The following PTOV1 variants were observed in gnomAD, a reference collection of about 807,000 sequenced individuals.
The protein encoded by PTOV1 is prostate tumor-overexpressed gene 1 protein.
Under a neutral mutation model 58.0 loss-of-function variants are expected in PTOV1, and 20 were observed. The ratio of observed to expected loss-of-function variants is 0.34; its 90% CI spans 0.24 to 0.50. PTOV1 has a LOEUF of 0.50. Ranked by LOEUF, PTOV1 falls within the 20% of genes least tolerant of loss-of-function variation. PTOV1 has a pLI of 0.98. For missense variants in PTOV1, 593 were observed against 565.4 expected (o/e 1.05, Z -0.50); for synonymous variants, 335 against 234.2 (o/e 1.43, Z -3.93).
chr19:49,859,759 A>G (rs957212597), intron 10 of PTOV1: 8 of 572,996 alleles, frequency 1.4e-5, no homozygotes, highest in Non-Finnish European at 2.2e-5. Flanking sequence ...TCTGAAATGC[A>G]GGTTCTTGGG....
intron 2 of PTOV1, 43 bp from the exon 3 acceptor site, chr19:49,854,609 G>T: frequency 6.2e-7 from 1 of 1,613,134 alleles, no homozygotes; most frequent in Non-Finnish European, 8.5e-7. Context: ...GACAGGCCAG[G>T]GCATCTAGGC....
At chr19:49,851,032 G>C, upstream of PTOV1, 21 of 1,526,898 alleles carry the variant, frequency 1.4e-5, no homozygotes, top group Non-Finnish European at 1.8e-5. Context: ...GCGCCGGAGA[G>C]GCCCGCAGGA....
At chr19:49,856,941 G>A (rs1172432183) in intron 5 of PTOV1, 34 bp from the exon 6 acceptor site, 1 of 1,609,758 alleles carries the variant, frequency 6.2e-7, no homozygotes. Flanking sequence ...GCCCCGGGCA[G>A]TGACCACAGG....
chr19:49,851,976 C>G (rs942637243), intron 1 of PTOV1: 2 of 985,304 alleles, frequency 2.0e-6, no homozygotes, highest in African/African-American at 3.5e-5. Flanking sequence ...CCGTGGAGTG[C>G]GCACCTAGAA....
exon 11 of PTOV1, chr19:49,860,000 C>T: frequency 6.2e-7 from 1 of 1,614,170 alleles, no homozygotes. Context: ...GCTGCGTGCA[C>T]TTTTCCTACA....
At chr19:49,855,914 C>T (rs899200476) in intron 5 of PTOV1, among the ~76,000 whole-genome samples, 4 of 152,010 alleles carry the variant, frequency 2.6e-5, no homozygotes, top group African/African-American at 9.7e-5. Flanking sequence ...GGGGCTTGGG[C>T]TGTGAAAGAT....
chr19:49,853,426 C>T (rs139231513), intron 1 of PTOV1, among the ~76,000 whole-genome samples: 7,218 of 145,132 alleles, frequency 0.05, 220 homozygotes, highest in Non-Finnish European at 0.053. Flanking sequence ...GAGGCCGAGG[C>T]GGGCGGATCA....
intron 10 of PTOV1, among the ~76,000 whole-genome samples, chr19:49,859,556 G>A (rs2074650196): frequency 6.6e-6 from 1 of 150,948 alleles, no homozygotes; most frequent in Non-Finnish European, 1.5e-5. Flanking sequence ...TGGGCGACAA[G>A]AGCGAAACTC....
At position 49,860,442 on chromosome 19, in the gene PTOV1, G is replaced by A. The variant is rs1295686073; in HGVS notation, c.*163G>A. 4.5e-6 allele frequency: 5 copies of A among 1,110,152 alleles called. No homozygotes were observed. The East Asian group carries it at 1.0e-4, about 23-fold the overall frequency. 68.8% of individuals were successfully genotyped at this position (1,110,152 alleles called of 1,614,324 possible). On this transcript the variant is annotated 3_prime_UTR_variant, in exon 12 of 12. Coordinates refer to ENST00000391842, the Ensembl canonical transcript of PTOV1. ...TTGGCCTTGGGGAGAGCAGAGCAGA[G>A]GGAGAGGCAGCAGTCCCAGCGGTCC...
At chr19:49,860,713 G>A (rs911266186) in exon 12 of PTOV1, 14 of 327,696 alleles carry the variant, frequency 4.3e-5, no homozygotes, top group South Asian at 1.9e-4. Flanking sequence ...ACCCCTCTAC[G>A]TTTCCCCAAT....
At position 49,854,371 on chromosome 19, in the gene PTOV1, C is replaced by A. The variant is rs371587624; in HGVS notation, c.172-35C>A. 61 of 1,587,596 alleles carry A rather than the reference C, an allele frequency of 3.8e-5. No homozygotes were observed. In the African/African-American group the frequency reaches 7.9e-4, roughly 21 times the overall value. On this transcript the variant is annotated intron_variant, in intron 1 of 11. Coordinates refer to ENST00000391842, the Ensembl canonical transcript of PTOV1. ...ACTGCCTGTCCTTGCAGGCCCCGGC[C>A]TCAGTTTTCCCACCTATCCCCCACT...
intron 11 of PTOV1, 24 bp downstream of exon 11, chr19:49,860,207 T>C: frequency 2.5e-6 from 4 of 1,613,940 alleles, no homozygotes; most frequent in Non-Finnish European, 3.4e-6. Context: ...CCTCCAGGGC[T>C]GCTCAGTCTC....
rs572893633 is a variant in PTOV1, at chr19:49,855,265, C to T, written c.558+188C>T. The stretch of plus-strand genomic sequence containing the variant: ...CTCCGTAGAGCACAGGGTGAAGGAA[C>T]TCAGCCTGAGAGGCCTCCAGTTTCT... On this transcript the variant is annotated intron_variant, in intron 5 of 11. Transcript: ENST00000391842. 159 of 610,424 alleles carry T rather than the reference C, an allele frequency of 2.6e-4. 3 individuals are homozygous for T. The South Asian group carries it at 3.0e-3, about 11-fold the overall frequency. 37.8% of individuals were successfully genotyped at this position (610,424 alleles called of 1,614,324 possible). A position where few individuals can be genotyped will look rare whatever the true frequency, so the allele number is the denominator to read the frequency against.
At chr19:49,850,837 G>C, upstream of PTOV1, 1 of 1,534,602 alleles carries the variant, frequency 6.5e-7, no homozygotes, top group South Asian at 1.2e-5. Context: ...CTTCCCTGAT[G>C]TATTTTGGCG....
At chr19:49,850,803 A>G, upstream of PTOV1, 6 of 1,500,878 alleles carry the variant, frequency 4.0e-6, no homozygotes, top group Non-Finnish European at 5.4e-6. Context: ...CTTTGTCCCC[A>G]GGCCCATTAT....
exon 10 of PTOV1, chr19:49,858,612 G>A (rs771207580): frequency 6.2e-7 from 1 of 1,605,868 alleles, no homozygotes. Context: ...CAAGGACCTG[G>A]AGACACTGAA....
At chr19:49,860,422 C>T (rs981565465) in exon 12 of PTOV1, 10 of 1,301,340 alleles carry the variant, frequency 7.7e-6, no homozygotes, top group Admixed American at 7.2e-5. Context: ...CGACCTTGGC[C>T]TTGGGGAGAG....
At chr19:49,856,820 T>A in intron 5 of PTOV1, 155 bp from the exon 6 acceptor site, 1 of 888,952 alleles carries the variant, frequency 1.1e-6, no homozygotes, top group Non-Finnish European at 1.7e-6. Flanking sequence ...GCACGGGCTC[T>A]CAGAGGCCCC....
intron 5 of PTOV1, chr19:49,856,534 CTG>C (rs2074475916): frequency 5.3e-6 from 1 of 188,318 alleles, no homozygotes. Flanking sequence ...GTGGCACCAA[CTG>C]TGTGCACTAT....
Sources: gnomAD v4.1 joint callset for allele counts (sites outside exome capture counted in the v4.1 genomes callset) on GRCh38, gnomAD v4.1.1 for gene constraint, MANE v1.5 for transcripts, NCBI Gene and HGNC (gene_info 2026-07-23, HGNC 2026-07-21) for gene names.